LINGO2: variants seen among roughly 807,000 people sequenced by gnomAD.
LINGO2 encodes the protein leucine rich repeat and Ig domain containing 2.
LINGO2 carries 14 observed loss-of-function variants against 30.6 expected under a neutral mutation model. The ratio of observed to expected loss-of-function variants is 0.46; its 90% CI spans 0.30 to 0.72. The LOEUF (loss-of-function observed/expected upper bound fraction) is 0.72. Among genes scored for constraint, LINGO2 ranks in the 30% least tolerant of loss-of-function variants. LINGO2 has a pLI of 0.07. For synonymous variants in LINGO2, 317 were observed against 288.5 expected, an observed-to-expected ratio of 1.10 and a Z score of -1.00; for missense variants, 729 against 751.7, an observed-to-expected ratio of 0.97 and a Z score of 0.35.
chr9:28,009,853 G>T (rs1822467049), intron 5 of LINGO2, among the ~76,000 whole-genome samples: 1 of 152,136 alleles, frequency 6.6e-6, no homozygotes, highest in Non-Finnish European at 1.5e-5. Flanking sequence ...ACATAACCCA[G>T]CACTTCTACT....
At chr9:28,034,620 G>A (rs1041151021) in intron 4 of LINGO2, among the ~76,000 whole-genome samples, 19 of 152,130 alleles carry the variant, frequency 1.2e-4, no homozygotes, top group African/African-American at 4.6e-4. Flanking sequence ...AGAACAAACT[G>A]AAAACTCATT....
At chr9:28,205,721 T>C (rs1445424351) in intron 4 of LINGO2, among the ~76,000 whole-genome samples, 1 of 152,314 alleles carries the variant, frequency 6.6e-6, no homozygotes, top group East Asian at 1.9e-4. Context: ...CACCAGAGAA[T>C]TGATCTTTAT....
At chr9:28,848,289 AT>A in the LINGO2 span, among the ~76,000 whole-genome samples, 27 of 60,522 alleles carry the variant, frequency 4.5e-4, 1 homozygote, top group East Asian at 0.025. Flanking sequence ...TACACTATGC[AT>A]ATATATATAC....
intron 1 of LINGO2, among the ~76,000 whole-genome samples, chr9:28,553,455 A>G (rs1380838147): frequency 3.3e-5 from 5 of 152,086 alleles, no homozygotes; most frequent in Non-Finnish European, 7.4e-5. Context: ...AGAAAAAAGA[A>G]TAAAAAGAAA....
chr9:28,902,484 G>A, the LINGO2 span, among the ~76,000 whole-genome samples: 2 of 152,212 alleles, frequency 1.3e-5, no homozygotes, highest in South Asian at 4.1e-4. Flanking sequence ...AGATCATCTA[G>A]ACAAATCAAT....
At chr9:28,718,711 T>A in the LINGO2 span, among the ~76,000 whole-genome samples, 2 of 152,058 alleles carry the variant, frequency 1.3e-5, no homozygotes, top group East Asian at 3.9e-4. Flanking sequence ...CTCGGCTATC[T>A]TGGTGACACT....
intron 4 of LINGO2, among the ~76,000 whole-genome samples, chr9:28,173,526 A>T (rs1469067318): frequency 6.6e-6 from 1 of 152,194 alleles, no homozygotes; most frequent in East Asian, 1.9e-4. Flanking sequence ...TAAGATGAGC[A>T]ACTCATCTAC....
At chr9:28,825,776 C>T in the LINGO2 span, among the ~76,000 whole-genome samples, 5 of 152,046 alleles carry the variant, frequency 3.3e-5, no homozygotes, top group Non-Finnish European at 5.9e-5. Flanking sequence ...AGAAGTAAAA[C>T]GTTGTAGCCA....
At chr9:28,727,084 A>G in the LINGO2 span, among the ~76,000 whole-genome samples, 5 of 152,174 alleles carry the variant, frequency 3.3e-5, no homozygotes, top group Admixed American at 2.0e-4. Context: ...TGCAAATATA[A>G]GAATGTTTTT....
chr9:28,234,041 T>C (rs1275296610), intron 4 of LINGO2, among the ~76,000 whole-genome samples: 1 of 152,008 alleles, frequency 6.6e-6, no homozygotes, highest in Non-Finnish European at 1.5e-5. Context: ...CTCCTTCTAT[T>C]TGAGAAAAAC....
At chr9:28,144,232 A>T (rs1827752521) in intron 4 of LINGO2, among the ~76,000 whole-genome samples, 1 of 152,208 alleles carries the variant, frequency 6.6e-6, no homozygotes, top group Non-Finnish European at 1.5e-5. Flanking sequence ...GGTAAATGGC[A>T]TATATAATTT....
chr9:29,000,182 G>C, the LINGO2 span, among the ~76,000 whole-genome samples: 1 of 151,688 alleles, frequency 6.6e-6, no homozygotes, highest in Non-Finnish European at 1.5e-5. Context: ...AGTATTCTTC[G>C]GCATGGCCCT....
At chr9:27,976,321 C>T (rs1460096699) in intron 5 of LINGO2, among the ~76,000 whole-genome samples, 2 of 151,846 alleles carry the variant, frequency 1.3e-5, no homozygotes, top group Admixed American at 6.6e-5. Context: ...GTATGGGGCC[C>T]CCAAAATCTG....
At chr9:28,453,325 A>G (rs1824720457) in intron 2 of LINGO2, among the ~76,000 whole-genome samples, 1 of 151,936 alleles carries the variant, frequency 6.6e-6, no homozygotes, top group Non-Finnish European at 1.5e-5. Flanking sequence ...TGTACTGTAT[A>G]ACAAATGCTC....
the LINGO2 span, among the ~76,000 whole-genome samples, chr9:28,985,404 T>C: frequency 1.3e-5 from 2 of 152,118 alleles, no homozygotes; most frequent in Admixed American, 1.3e-4. Flanking sequence ...CTTGATCATA[T>C]GGTAATTCCA....
intron 1 of LINGO2, among the ~76,000 whole-genome samples, chr9:28,537,713 T>C (rs1239350590): frequency 6.6e-6 from 1 of 151,904 alleles, no homozygotes; most frequent in Non-Finnish European, 1.5e-5. Flanking sequence ...AAAGGTATGA[T>C]GAGAACTTAT....
At chr9:28,195,132 A>C (rs1224638962) in intron 4 of LINGO2, among the ~76,000 whole-genome samples, 2 of 152,018 alleles carry the variant, frequency 1.3e-5, no homozygotes, top group East Asian at 3.9e-4. Flanking sequence ...TTTTAGAACA[A>C]AATATAAGTC....
intron 1 of LINGO2, among the ~76,000 whole-genome samples, chr9:28,520,399 A>T (rs1820784929): frequency 6.6e-6 from 1 of 152,112 alleles, no homozygotes; most frequent in African/African-American, 2.4e-5. Context: ...CTTCTTTATG[A>T]CATTTAATAT....
At chr9:28,230,795 G>A (rs1821328659) in intron 4 of LINGO2, among the ~76,000 whole-genome samples, 1 of 151,774 alleles carries the variant, frequency 6.6e-6, no homozygotes, top group Non-Finnish European at 1.5e-5. Context: ...TTTATCCACA[G>A]TGCTTTGTTT....
Sources: allele counts gnomAD v4.1 joint callset (sites outside exome capture counted in the v4.1 genomes callset), GRCh38; gene constraint gnomAD v4.1.1; transcripts MANE v1.5; gene names NCBI Gene and HGNC (gene_info 2026-07-23, HGNC 2026-07-21).